The following SLC25A51 variants were observed in gnomAD, a reference collection of about 807,000 sequenced individuals.
SLC25A51 encodes the protein mitochondrial nicotinamide adenine dinucleotide transporter SLC25A51.
Under a neutral mutation model 19.1 loss-of-function variants are expected in SLC25A51, and 11 were observed. The ratio of observed to expected loss-of-function variants is 0.58; its 90% CI spans 0.36 to 0.96. The LOEUF is 0.96. Ranked by LOEUF, SLC25A51 falls within the 40% of genes least tolerant of loss-of-function variation. The pLI, the probability that SLC25A51 is intolerant of heterozygous loss-of-function variation, is 0.01. For synonymous variants in SLC25A51, 105 were observed against 133.6 expected (o/e 0.79, Z 1.47); for missense variants, 201 against 365.4 (o/e 0.55, Z 3.67).
intron 2 of SLC25A51, among the ~76,000 whole-genome samples, chr9:37,894,406 A>G (rs1262215352): frequency 6.6e-6 from 1 of 150,972 alleles, no homozygotes. Context: ...GGCTCACTGC[A>G]ACCTCCACCT....
intron 2 of SLC25A51, among the ~76,000 whole-genome samples, chr9:37,897,669 C>CAT (rs1488726822): frequency 1.3e-5 from 2 of 150,482 alleles, no homozygotes; most frequent in African/African-American, 2.4e-5. Context: ...TATATAATTA[C>CAT]ATATATATAT....
chr9:37,897,056 T>C (rs1003230250), intron 2 of SLC25A51, among the ~76,000 whole-genome samples: 4 of 152,192 alleles, frequency 2.6e-5, no homozygotes, highest in African/African-American at 4.8e-5. Context: ...TTTTAAATAC[T>C]GATCATCTTT....
chr9:37,888,566 T>C lies in SLC25A51; in HGVS notation c.-16A>G, dbSNP rs1182672535. On this transcript the variant is annotated 5_prime_UTR_variant, in exon 3 of 3. Transcript: ENST00000242275. ...AATCCATCATGCTGCTTAAGATCTT[T>C]CTTTTTCATGAAGGACTTTTTTTAA... is the stretch of plus-strand genomic sequence containing the variant. 21 of 1,569,384 alleles carry C rather than the reference T, an allele frequency of 1.3e-5. No homozygotes were observed. The highest frequency in any genetic ancestry group is 1.7e-5 in the Non-Finnish European group (20 of 1,163,136).
At chr9:37,897,409 G>A (rs369590853) in intron 2 of SLC25A51, among the ~76,000 whole-genome samples, 36 of 151,818 alleles carry the variant, frequency 2.4e-4, no homozygotes, top group East Asian at 1.4e-3. Flanking sequence ...ACTAGTTTTC[G>A]TTTGCATAAG....
chr9:37,896,246 GT>G (rs1587168187), intron 2 of SLC25A51, among the ~76,000 whole-genome samples: 1 of 152,114 alleles, frequency 6.6e-6, no homozygotes, highest in East Asian at 1.9e-4. Flanking sequence ...ACCCACGGGC[GT>G]TTGCGTTTAT....
In SLC25A51 at chr9:37,887,710, T is replaced by G; in HGVS notation, c.841A>C (p.Ile281Leu). Residue 281 changes from isoleucine (I) to leucine (L), a missense_variant, in exon 3 of 3, where the codon ATC becomes CTC. By Grantham distance (5) the Ile-to-Leu change is conservative. Transcript: ENST00000242275. ...GTTGCATTGATTATGCCCCAAGAGA[T>G]GAGGGACCGATGGTAATTCAGATGG... ...GAHLNYHRSL[I>L]SWGIINATYE... is the part of the protein sequence containing the mutation. The G allele has an allele frequency of 6.2e-7, 1 of 1,613,646 alleles. No individual in the cohort carries two copies. The highest frequency in any genetic ancestry group is 2.2e-5 in the East Asian group (1 of 44,900).
chr9:37,899,744 T>TGGGGGGGGGGGGGGGGGGGGGGGGGCCC, intron 2 of SLC25A51, 85 bp downstream of exon 2: 1 of 133,794 alleles, frequency 7.5e-6, no homozygotes, highest in South Asian at 2.8e-4. Flanking sequence ...AATATGTGAT[T>TGGGGGGGGGGGGGGGGGGGGGGGGGCCC]CCCCGCCCCC....
At chr9:37,891,494 CATT>C (rs1444910141) in intron 2 of SLC25A51, among the ~76,000 whole-genome samples, 2 of 152,192 alleles carry the variant, frequency 1.3e-5, no homozygotes, top group African/African-American at 4.8e-5. Flanking sequence ...TAGGAGACTC[CATT>C]TTGTTCTGTA....
chr9:37,889,645 A>T (rs1831536756), intron 2 of SLC25A51, among the ~76,000 whole-genome samples: 2 of 151,368 alleles, frequency 1.3e-5, no homozygotes, highest in South Asian at 4.2e-4. Flanking sequence ...TCTGAAATGA[A>T]GTCTGAGTGA....
intron 3 of SLC25A51, among the ~76,000 whole-genome samples, chr9:37,881,359 T>G (rs1831346236): frequency 6.6e-6 from 1 of 152,270 alleles, no homozygotes; most frequent in Non-Finnish European, 1.5e-5. Context: ...GGAAGACCTT[T>G]AAGAAATAAA....
intron 2 of SLC25A51, among the ~76,000 whole-genome samples, chr9:37,882,071 CCACA>C (rs1159525938): frequency 6.6e-6 from 1 of 152,140 alleles, no homozygotes; most frequent in East Asian, 1.9e-4. Context: ...TTAGAGACTC[CCACA>C]CAATTTGGGA....
intron 1 of SLC25A51, among the ~76,000 whole-genome samples, chr9:37,901,274 A>C (rs1831842810): frequency 6.6e-6 from 1 of 152,072 alleles, no homozygotes; most frequent in Non-Finnish European, 1.5e-5. Flanking sequence ...GGTTCAAGCG[A>C]TTCTCCTGCC....
intron 2 of SLC25A51, among the ~76,000 whole-genome samples, chr9:37,897,225 T>A (rs955622131): frequency 3.3e-5 from 5 of 152,006 alleles, no homozygotes; most frequent in Non-Finnish European, 7.4e-5. Flanking sequence ...AATTTTTAAA[T>A]TTTTTTTCTT....
chr9:37,896,030 T>G (rs1357727726), intron 2 of SLC25A51, among the ~76,000 whole-genome samples: 2 of 152,112 alleles, frequency 1.3e-5, no homozygotes, highest in Non-Finnish European at 2.9e-5. Flanking sequence ...GCCAGGCTGG[T>G]CTCAAACTCC....
At chr9:37,883,181 G>C (rs180732921), downstream of SLC25A51, among the ~76,000 whole-genome samples, 10 of 152,322 alleles carry the variant, frequency 6.6e-5, no homozygotes, top group Admixed American at 1.3e-4. Flanking sequence ...AGTTCACACT[G>C]AAGGTAAAAG....
At chr9:37,898,730 A>C (rs1831776950) in intron 2 of SLC25A51, among the ~76,000 whole-genome samples, 1 of 152,146 alleles carries the variant, frequency 6.6e-6, no homozygotes, top group African/African-American at 2.4e-5. Context: ...AAATAAATAA[A>C]TAAATAAAAT....
chr9:37,895,545 C>T (rs1399738527), intron 2 of SLC25A51, among the ~76,000 whole-genome samples: 1 of 152,030 alleles, frequency 6.6e-6, no homozygotes, highest in Non-Finnish European at 1.5e-5. Context: ...TTTCTATTGA[C>T]CACTTCTTTA....
chr9:37,890,696 A>T (rs1342747088), intron 2 of SLC25A51, among the ~76,000 whole-genome samples: 2 of 103,872 alleles, frequency 1.9e-5, no homozygotes, highest in South Asian at 3.7e-4. Context: ...ACCCTGCTTT[A>T]AAAAAAAAAA....
chr9:37,899,357 G>C (rs1333715273), intron 2 of SLC25A51, among the ~76,000 whole-genome samples: 1 of 151,840 alleles, frequency 6.6e-6, no homozygotes. Context: ...TCATATTACT[G>C]TTCATAACAG....
Sources: allele counts gnomAD v4.1 joint callset (sites outside exome capture counted in the v4.1 genomes callset), GRCh38; gene constraint gnomAD v4.1.1; transcripts MANE v1.5; gene names NCBI Gene and HGNC (gene_info 2026-07-23, HGNC 2026-07-21).